DAB1: variants seen among roughly 807,000 people sequenced by gnomAD.
DAB1 encodes DAB adaptor protein 1.
A neutral mutation model predicts 64.6 loss-of-function variants in DAB1; 15 were observed. That is an observed-to-expected ratio of 0.23 (90% CI 0.16 to 0.36). The LOEUF is 0.36. Ranked by LOEUF, DAB1 falls within the 10% of genes least tolerant of loss-of-function variation. The probability of loss-of-function intolerance (pLI) is 1.00; values close to 1 mark genes in which losing one functional copy is unlikely to be tolerated. For missense variants in DAB1, 596 were observed against 706.7 expected, an observed-to-expected ratio of 0.84 and a Z score of 1.78; for synonymous variants, 235 against 251.9, an observed-to-expected ratio of 0.93 and a Z score of 0.64.
chr1:57,269,484 C>G (rs528771007), intron 2 of DAB1, among the ~76,000 whole-genome samples: 2 of 152,138 alleles, frequency 1.3e-5, no homozygotes, highest in African/African-American at 4.8e-5. Context: ...CTGTCACCCC[C>G]CTCCCTGGCC....
chr1:58,546,121 G>C (rs2100509434), intron 1 of DAB1, among the ~76,000 whole-genome samples: 1 of 152,362 alleles, frequency 6.6e-6, no homozygotes, highest in East Asian at 1.9e-4. Flanking sequence ...GAGTTCTGTA[G>C]ACGAGTTTAC....
intron 5 of DAB1, among the ~76,000 whole-genome samples, chr1:58,046,946 T>C (rs1647282470): frequency 6.6e-6 from 1 of 152,204 alleles, no homozygotes; most frequent in Admixed American, 6.5e-5. Flanking sequence ...GCCGTGCCAC[T>C]TACTGGTTGT....
At chr1:58,141,171 G>A (rs761433595) in intron 5 of DAB1, among the ~76,000 whole-genome samples, 2 of 152,044 alleles carry the variant, frequency 1.3e-5, no homozygotes, top group Non-Finnish European at 1.5e-5. Flanking sequence ...CTGCTCTCAC[G>A]CCGCTAATAA....
chr1:57,297,474 A>C (rs1243107679), intron 1 of DAB1, among the ~76,000 whole-genome samples: 1 of 152,152 alleles, frequency 6.6e-6, no homozygotes, highest in Non-Finnish European at 1.5e-5. Context: ...ATGATTCAGA[A>C]AAAACACATA....
chr1:58,366,864 C>A (rs1233056284), intron 3 of DAB1, among the ~76,000 whole-genome samples: 1 of 152,164 alleles, frequency 6.6e-6, no homozygotes, highest in East Asian at 1.9e-4. Context: ...GTTATATTAA[C>A]CCTTCTGGGG....
chr1:58,442,868 G>C (rs1355053182), intron 3 of DAB1, among the ~76,000 whole-genome samples: 1 of 152,164 alleles, frequency 6.6e-6, no homozygotes, highest in Non-Finnish European at 1.5e-5. Context: ...CTGGGCAAGA[G>C]AGTGAGACTC....
intron 7 of DAB1, among the ~76,000 whole-genome samples, chr1:57,466,674 G>A (rs981995605): frequency 6.6e-6 from 1 of 152,168 alleles, no homozygotes; most frequent in African/African-American, 2.4e-5. Context: ...TGACGGGGCT[G>A]GGCTCTTAAC....
chr1:57,411,953 C>T (rs899937820), intron 1 of DAB1, among the ~76,000 whole-genome samples: 4 of 152,200 alleles, frequency 2.6e-5, no homozygotes, highest in African/African-American at 9.7e-5. Context: ...TTTGTAGCAA[C>T]CCTGCATCAA....
chr1:57,585,331 A>C (rs952831990), intron 7 of DAB1, among the ~76,000 whole-genome samples: 8 of 152,004 alleles, frequency 5.3e-5, no homozygotes, highest in Non-Finnish European at 1.0e-4. Context: ...AAGAGACAAC[A>C]AAGTTAGATT....
chr1:57,040,706 A>G (rs141381985), intron 9 of DAB1, among the ~76,000 whole-genome samples: 8 of 152,356 alleles, frequency 5.3e-5, no homozygotes, highest in African/African-American at 1.9e-4. Flanking sequence ...TTTGTTTTTA[A>G]TGGTCTCTTC....
At chr1:58,279,791 G>A (rs969885959) in intron 4 of DAB1, among the ~76,000 whole-genome samples, 20 of 152,136 alleles carry the variant, frequency 1.3e-4, no homozygotes, top group Admixed American at 2.0e-4. Flanking sequence ...CAAAGATGTT[G>A]TCCCTGAAGT....
intron 7 of DAB1, among the ~76,000 whole-genome samples, chr1:57,585,220 G>A (rs1042750431): frequency 8.6e-6 from 1 of 115,960 alleles, no homozygotes; most frequent in East Asian, 3.0e-4. Context: ...CTGCACTCCA[G>A]CCTGGGCGAC....
intron 7 of DAB1, among the ~76,000 whole-genome samples, chr1:57,611,349 C>T (rs1333168922): frequency 6.6e-6 from 1 of 152,090 alleles, no homozygotes; most frequent in Admixed American, 6.6e-5. Context: ...ATTGTTCTAT[C>T]ACCTCCTGCA....
At chr1:57,301,459 C>T (rs776592964) in intron 1 of DAB1, among the ~76,000 whole-genome samples, 11 of 152,266 alleles carry the variant, frequency 7.2e-5, no homozygotes, top group Middle Eastern at 3.4e-3. Flanking sequence ...GGAGACTGAA[C>T]GCCCTGTACT....
intron 2 of DAB1, among the ~76,000 whole-genome samples, chr1:58,522,957 G>A (rs1194898931): frequency 6.6e-6 from 1 of 152,156 alleles, no homozygotes; most frequent in South Asian, 2.1e-4. Flanking sequence ...AGACAGGAAA[G>A]GCAGGCATAA....
chr1:58,397,064 CA>C (rs528396079), intron 3 of DAB1, among the ~76,000 whole-genome samples: 204 of 80,468 alleles, frequency 2.5e-3, no homozygotes, highest in Admixed American at 4.6e-3. Context: ...GACTCCGTCT[CA>C]AAAAAAAAAA....
chr1:58,342,067 T>C (rs1438904981), intron 4 of DAB1, among the ~76,000 whole-genome samples: 1 of 152,146 alleles, frequency 6.6e-6, no homozygotes, highest in Non-Finnish European at 1.5e-5. Context: ...TTCATAAAAT[T>C]AAAAAGCTGT....
intron 4 of DAB1, among the ~76,000 whole-genome samples, chr1:58,267,748 T>A (rs1661207067): frequency 6.6e-6 from 1 of 152,220 alleles, no homozygotes; most frequent in Non-Finnish European, 1.5e-5. Flanking sequence ...TACCTTCTAT[T>A]TTTTTAACCC....
At chr1:58,229,800 G>A (rs1165901965) in intron 4 of DAB1, among the ~76,000 whole-genome samples, 2 of 152,140 alleles carry the variant, frequency 1.3e-5, no homozygotes, top group South Asian at 2.1e-4. Context: ...TTACCCAAGG[G>A]GGAAGCAGTA....
Sources: allele counts gnomAD v4.1 joint callset (sites outside exome capture counted in the v4.1 genomes callset), GRCh38; gene constraint gnomAD v4.1.1; transcripts MANE v1.5; gene names NCBI Gene and HGNC (gene_info 2026-07-23, HGNC 2026-07-21).